The following AGAP3 variants were observed in gnomAD, a reference collection of about 807,000 sequenced individuals.
AGAP3 encodes the protein ArfGAP with GTPase domain, ankyrin repeat and PH domain 3, also known as arf-GAP with GTPase, ANK repeat and PH domain-containing protein 3.
A neutral mutation model predicts 96.9 loss-of-function variants in AGAP3; 24 were observed. That is an observed-to-expected ratio of 0.25 (90% confidence interval 0.18 to 0.35). The LOEUF (loss-of-function observed/expected upper bound fraction) is 0.35. AGAP3 is among the 10% of genes least tolerant of loss of function. The pLI is 1.00. For missense variants in AGAP3, 876 were observed against 1,254.2 expected (o/e 0.70, Z 4.55); for synonymous variants, 563 against 536.1 (o/e 1.05, Z -0.69).
chr7:151,087,161 C>G (rs886917078), intron 1 of AGAP3, 89 bp downstream of exon 1: 18 of 1,401,402 alleles, frequency 1.3e-5, no homozygotes, highest in Middle Eastern at 3.5e-4. Context: ...TGGCCATGCT[C>G]TCCCTGTCGG....
Position 151,105,694 on chromosome 7 carries a change from AG to A in AGAP3, c.332-11095del, listed in dbSNP as rs1448248051. On this transcript the variant is annotated intron_variant, in intron 1 of 17. Coordinates refer to ENST00000397238, the MANE Select transcript of AGAP3 (RefSeq NM_031946.7). Reference sequence around the variant, plus strand: ...GGTGGGAAGATCTCTTGAGCCCGGGAGGGGAGAGGCTCCAGTAAGCTCTAAT... The same window carrying A: ...GGTGGGAAGATCTCTTGAGCCCGGGAGGGAGAGGCTCCAGTAAGCTCTAAT... Among the ~76,000 whole-genome samples, 27 of 144,482 alleles carry A rather than the reference AG, an allele frequency of 1.9e-4. No individual in the cohort carries two copies. The Admixed American group carries it at 1.9e-3, about 10-fold the overall frequency. 94.8% of individuals were successfully genotyped at this position (144,482 alleles called of 152,430 possible). A position where few individuals can be genotyped will look rare whatever the true frequency, so the allele number is the denominator to read the frequency against.
chr7:151,087,031 C>T lies in AGAP3; in HGVS notation c.290C>T (p.Ala97Val). The T allele has an allele frequency of 1.2e-6, 2 of 1,612,076 alleles. No individual in the cohort carries two copies. The highest frequency in any genetic ancestry group is 1.7e-6 in the Non-Finnish European group (2 of 1,179,092). ...YDLIERIEDL[A>V]LQNQIREHVI... ...CTGATCGAGCGCATCGAGGATTTGG[C>T]GCTGCAGAACCAGATCCGGGAGCAC... The change falls in exon 1 of 18, where the codon GCG becomes GTG. Residue 97 changes from alanine to valine, a missense_variant. Ala to Val is a moderately conservative substitution (Grantham distance 64). Coordinates refer to ENST00000397238, the MANE Select transcript of AGAP3 (RefSeq NM_031946.7).
In AGAP3 at chr7:151,133,448, G is replaced by A. The variant is rs940749572; in HGVS notation, c.1327-952G>A. Among the ~76,000 whole-genome samples the A allele has an allele frequency of 1.5e-4, 21 of 140,978 alleles. No homozygotes were observed. The highest frequency in any genetic ancestry group is 1.3e-3 in the South Asian group (5 of 3,802). 92.5% of individuals were successfully genotyped at this position (140,978 alleles called of 152,430 possible). ...GCTCCCACCCTCCCTCCCTGCACTC[G>A]GCCGTGGTGCTCCCTAAATGATGGG... is the stretch of plus-strand genomic sequence containing the variant. On this transcript the variant is annotated intron_variant, in intron 10 of 17. Transcript: ENST00000397238. The surrounding 1 kb of genome is among the most constrained non-coding windows in gnomAD (Gnocchi z 5.4).
At chr7:151,106,502 T>C (rs1380040418) in intron 1 of AGAP3, among the ~76,000 whole-genome samples, 1 of 151,880 alleles carries the variant, frequency 6.6e-6, no homozygotes, top group Non-Finnish European at 1.5e-5. Flanking sequence ...GTTTTTAAGA[T>C]GGAGTTGCAC....
chr7:151,128,486 G>T (rs1384056239), intron 9 of AGAP3, 94 bp from the exon 10 acceptor site: 4 of 1,017,064 alleles, frequency 3.9e-6, no homozygotes, highest in South Asian at 1.4e-5. Context: ...GAAGCGGGGA[G>T]GGGGGAGGGC....
chr7:151,106,469 A>G (rs908386480), intron 1 of AGAP3, among the ~76,000 whole-genome samples: 1 of 152,074 alleles, frequency 6.6e-6, no homozygotes, highest in Non-Finnish European at 1.5e-5. Flanking sequence ...GGCATGCAAC[A>G]CCAGCCTCAG....
chr7:151,138,033 C>T, intron 11 of AGAP3, 110 bp from the exon 12 acceptor site: 1 of 875,274 alleles, frequency 1.1e-6, no homozygotes, highest in Non-Finnish European at 1.8e-6. Flanking sequence ...GAACCCAGTG[C>T]CCTGCTGAAT....
chr7:151,103,705 A>G (rs1014094987), intron 1 of AGAP3, among the ~76,000 whole-genome samples: 1 of 152,194 alleles, frequency 6.6e-6, no homozygotes, highest in African/African-American at 2.4e-5. Flanking sequence ...TAGCTGACCC[A>G]TAACCACACT....
At chr7:151,117,273 T>C in intron 3 of AGAP3, 91 bp downstream of exon 3, 1 of 1,588,360 alleles carries the variant, frequency 6.3e-7, no homozygotes, top group Non-Finnish European at 8.6e-7. Flanking sequence ...CCAGCCCCCT[T>C]CCAGTCCTCT....
At chr7:151,137,460 C>T (rs997211467) in intron 11 of AGAP3, among the ~76,000 whole-genome samples, 1 of 152,218 alleles carries the variant, frequency 6.6e-6, no homozygotes, top group African/African-American at 2.4e-5. Context: ...TACCACAGGC[C>T]TCTGAGGCCC....
intron 1 of AGAP3, 169 bp from the exon 2 acceptor site, chr7:151,116,624 T>C: frequency 1.4e-6 from 1 of 700,612 alleles, no homozygotes; most frequent in Non-Finnish European, 2.5e-6. Flanking sequence ...AAGAAGAACC[T>C]TCCCACTGCC....
chr7:151,100,688 A>G (rs754437205), intron 1 of AGAP3, among the ~76,000 whole-genome samples: 4 of 152,044 alleles, frequency 2.6e-5, no homozygotes, highest in Non-Finnish European at 5.9e-5. Flanking sequence ...AAATAAATAC[A>G]TAAATTAGCT....
chr7:151,103,370 C>T (rs1798910030), intron 1 of AGAP3, among the ~76,000 whole-genome samples: 1 of 152,208 alleles, frequency 6.6e-6, no homozygotes, highest in Admixed American at 6.5e-5. Context: ...AGAATGTTGT[C>T]TAATCTTGGG....
In AGAP3 at chr7:151,116,780, C is replaced by G. The variant is rs769561471; in HGVS notation, c.332-13C>G. 3.7e-6 allele frequency: 6 copies of G among 1,613,948 alleles called. No homozygotes were observed. In the South Asian group the frequency reaches 5.5e-5, roughly 15 times the overall value. ...CCACCCTGGCCCTGACGGGGCGGCT[C>G]TGTCTTCCGCAGACTCGTTTGTGAA... On this transcript the variant is annotated splice_polypyrimidine_tract_variant and intron_variant, in intron 1 of 17. Transcript: ENST00000397238.
intron 1 of AGAP3, among the ~76,000 whole-genome samples, chr7:151,109,190 AAAAAC>A (rs1234672655): frequency 4.1e-4 from 62 of 151,078 alleles, no homozygotes; most frequent in African/African-American, 1.4e-3. Context: ...ACAAAAAACA[AAAAAC>A]AAAGAAAACA....
intron 1 of AGAP3, among the ~76,000 whole-genome samples, chr7:151,109,796 T>G (rs545971394): frequency 2.0e-5 from 3 of 152,352 alleles, no homozygotes; most frequent in South Asian, 4.1e-4. Context: ...TGACTGCATC[T>G]GCCTGGCTTT....
Position 151,143,488 on chromosome 7 carries a change from T to C in AGAP3, c.2421T>C (p.His807=). 6.2e-7 allele frequency: 1 copy of C among 1,614,190 alleles called. No individual in the cohort carries two copies. The highest frequency in any genetic ancestry group is 8.5e-7 in the Non-Finnish European group (1 of 1,180,038). The change falls in exon 17 of 18, where the codon CAT becomes CAC. Residue 807 remains histidine (H), a synonymous_variant. Transcript: ENST00000397238. The surrounding 1 kb of genome is among the most constrained non-coding windows in gnomAD (Gnocchi z 5.9). ...GGCTGTTGGTGATGCTCCTGGCACA[T>C]GGCTCCAAAGAGGAGGTGAATGAGA... ...DLRLLVMLLA[H]GSKEEVNETY...
intron 9 of AGAP3, among the ~76,000 whole-genome samples, chr7:151,127,964 C>T (rs1250082018): frequency 6.6e-6 from 1 of 152,228 alleles, no homozygotes; most frequent in Non-Finnish European, 1.5e-5. Flanking sequence ...TCTAGCCATC[C>T]AGCCTCTGCG....
rs770992729 is a variant in AGAP3 at position 151,139,784 on chromosome 7, C to G, written c.1667-195C>G. 8.7e-4 allele frequency: 381 copies of G among 439,424 alleles called. No individual in the cohort carries two copies. The highest frequency in any genetic ancestry group is 1.3e-3 in the Non-Finnish European group (333 of 258,444). The allele number at this position is 439,424 out of a possible 1,614,324, so 27.2% of individuals were successfully genotyped here. ...TTTCCTATTCTCTTTCCACATTTTC[C>G]TCCTCCAAGGCTGGGGAGCTTTGGG... On this transcript the variant is annotated intron_variant, in intron 12 of 17. Transcript: ENST00000397238. The surrounding 1 kb of genome is among the most constrained non-coding windows in gnomAD (Gnocchi z 4.9).
Sources: gnomAD v4.1 joint callset for allele counts (sites outside exome capture counted in the v4.1 genomes callset) on GRCh38, gnomAD v4.1.1 for gene constraint, Gnocchi (gnomAD v3.1) non-coding constraint, MANE v1.5 for transcripts, NCBI Gene and HGNC (gene_info 2026-07-23, HGNC 2026-07-21) for gene names.